Variants in CUBN observed in about 807,000 individuals in gnomAD.
The protein encoded by CUBN is cubilin, also known as 460 kDa receptor.
In CUBN, 282 loss-of-function variants were observed where a neutral mutation model predicts 405.3. The observed-to-expected ratio is 0.70, with a 90% CI of 0.63 to 0.77. The LOEUF is 0.77. Ranked by LOEUF, CUBN falls within the 30% of genes least tolerant of loss-of-function variation. The probability of loss-of-function intolerance (pLI) is 0.00; values close to 1 mark genes in which losing one functional copy is unlikely to be tolerated. For missense variants in CUBN, 4,514 were observed against 4,475.2 expected (o/e 1.01, Z -0.25); for synonymous variants, 1,684 against 1,617.0 (o/e 1.04, Z -0.99).
intron 35 of CUBN, 150 bp from the exon 36 acceptor site, chr10:16,947,517 A>C: frequency 1.1e-6 from 1 of 915,476 alleles, no homozygotes; most frequent in Non-Finnish European, 1.7e-6. Flanking sequence ...GTCATATAAA[A>C]TAAGGGAACA....
intron 27 of CUBN, among the ~76,000 whole-genome samples, chr10:17,032,595 G>A (rs934307196): frequency 6.6e-6 from 1 of 152,130 alleles, no homozygotes; most frequent in African/African-American, 2.4e-5. Context: ...AGCACATGAT[G>A]GGCATTCCAT....
intron 28 of CUBN, among the ~76,000 whole-genome samples, chr10:17,013,803 T>A (rs1202674754): frequency 6.6e-6 from 1 of 152,210 alleles, no homozygotes; most frequent in African/African-American, 2.4e-5. Context: ...TTCAGTATGG[T>A]TACATCACTA....
At chr10:16,935,241 A>T (rs979107296) in intron 39 of CUBN, among the ~76,000 whole-genome samples, 1 of 152,156 alleles carries the variant, frequency 6.6e-6, no homozygotes. Context: ...CACTGGCAGC[A>T]TGTAGGCTCA....
chr10:17,058,237 T>C (rs1378088741), intron 22 of CUBN, among the ~76,000 whole-genome samples: 2 of 152,008 alleles, frequency 1.3e-5, no homozygotes, highest in Non-Finnish European at 2.9e-5. Context: ...TTTGCTGACA[T>C]AGAGGTTGTT....
chr10:17,024,499 T>G (rs1236439190), intron 27 of CUBN, among the ~76,000 whole-genome samples: 1 of 152,184 alleles, frequency 6.6e-6, no homozygotes, highest in African/African-American at 2.4e-5. Context: ...TTAACTTTTT[T>G]TCTTAACTAT....
chr10:16,970,215 G>T (rs889082349), intron 31 of CUBN, among the ~76,000 whole-genome samples: 1 of 152,232 alleles, frequency 6.6e-6, no homozygotes, highest in African/African-American at 2.4e-5. Flanking sequence ...TTTCATATTT[G>T]AATTCTTAAC....
intron 31 of CUBN, among the ~76,000 whole-genome samples, chr10:16,970,387 C>T (rs1843517619): frequency 1.3e-5 from 2 of 152,144 alleles, no homozygotes; most frequent in South Asian, 2.1e-4. Flanking sequence ...CCAGCCTGGC[C>T]AACATGGTGA....
chr10:17,101,378 T>C lies in CUBN; in HGVS notation c.1531-1139A>G, dbSNP rs190330482. The stretch of plus-strand genomic sequence containing the variant: ...AAAGAATGTTTTCAATGCCAGGAAA[T>C]AGAATTCATGAAAACTAAATGGAAG... On this transcript the variant is annotated intron_variant, in intron 13 of 66. Coordinates refer to ENST00000377833, the MANE Select transcript of CUBN (RefSeq NM_001081.4). Among the ~76,000 whole-genome samples the C allele has an allele frequency of 9.2e-5, 14 of 152,042 alleles. 1 individual carries two copies. Among genetic ancestry groups the C allele is most frequent in the Middle Eastern group, 3.4e-3 (1 of 292 alleles).
Position 16,907,511 on chromosome 10 carries a change from C to T in CUBN, c.7702G>A (p.Ala2568Thr). The stretch of plus-strand genomic sequence containing the variant: ...CATTTACAACATCCTACATTACCTG[C>T]ATCTTCACTGGAGGTATAGGAAGCA... ...FTASYTSSED[A>T]VCGGSLPNTP... Residue 2568 changes from alanine (A) to threonine (T), a missense_variant, in exon 49 of 67, where the codon GCA becomes ACA. By Grantham distance (58) the Ala-to-Thr change is moderately conservative. This residue lies in a region of CUBN where 1,613 missense variants were observed against 1,542.8 expected (regional missense o/e 1.05). Coordinates refer to ENST00000377833, the MANE Select transcript of CUBN (RefSeq NM_001081.4). 6.2e-7 allele frequency: 1 copy of T among 1,614,128 alleles called. No individual in the cohort carries two copies.
intron 4 of CUBN, among the ~76,000 whole-genome samples, chr10:17,125,206 T>C (rs1837148144): frequency 6.6e-6 from 1 of 152,100 alleles, no homozygotes; most frequent in African/African-American, 2.4e-5. Flanking sequence ...TGCACACACA[T>C]ACATATATAT....
chr10:17,003,153 T>C (rs745822048), intron 28 of CUBN, among the ~76,000 whole-genome samples: 9 of 152,210 alleles, frequency 5.9e-5, no homozygotes, highest in Admixed American at 2.0e-4. Flanking sequence ...AGCTTCTCTT[T>C]TACTTAAATT....
At chr10:16,939,755 C>A (rs1842604637) in intron 37 of CUBN, among the ~76,000 whole-genome samples, 1 of 151,132 alleles carries the variant, frequency 6.6e-6, no homozygotes, top group Admixed American at 6.6e-5. Flanking sequence ...TTACCAGACT[C>A]TAACACAACG....
chr10:17,113,640 G>C (rs1219593911), intron 8 of CUBN, among the ~76,000 whole-genome samples: 1 of 152,180 alleles, frequency 6.6e-6, no homozygotes, highest in African/African-American at 2.4e-5. Flanking sequence ...ACCCAGGCAA[G>C]AGCTACTAGA....
rs1239695630 is a variant in CUBN, at chr10:16,836,279, A to G, written c.10136T>C (p.Val3379Ala). 5.0e-6 allele frequency: 8 copies of G among 1,613,858 alleles called. No individual in the cohort carries two copies. The African/African-American group carries it at 8.0e-5, about 16-fold the overall frequency. Residue 3379 changes from valine to alanine, a missense_variant, in exon 63 of 67, where the codon GTT becomes GCT. By Grantham distance (64) the Val-to-Ala change is moderately conservative. This residue lies in a region of CUBN where 1,186 missense variants were observed against 1,186.9 expected (regional missense o/e 1.00). Transcript: ENST00000377833. The stretch of plus-strand genomic sequence containing the variant: ...ACTCATTCTAGAGTTTCTGTTTACA[A>G]CTCCAGATTTGAAAATGACCATTGC... ...STAMVIFKSG[V>A]VNRNSRMSFT...
At chr10:16,973,387 C>G (rs1322476395) in intron 31 of CUBN, among the ~76,000 whole-genome samples, 1 of 152,154 alleles carries the variant, frequency 6.6e-6, no homozygotes, top group Admixed American at 6.5e-5. Context: ...TATGCTAAAT[C>G]CTAGGTGCTA....
intron 60 of CUBN, 32 bp downstream of exon 60, chr10:16,851,203 T>C (rs753180275): frequency 4.0e-5 from 60 of 1,514,938 alleles, no homozygotes; most frequent in Admixed American, 8.3e-5. Flanking sequence ...CTGGGATGAA[T>C]AGACTCTGTT....
At chr10:16,899,339 C>T (rs1841289057) in intron 53 of CUBN, among the ~76,000 whole-genome samples, 156 bp from the exon 54 acceptor site, 1 of 152,176 alleles carries the variant, frequency 6.6e-6, no homozygotes, top group African/African-American at 2.4e-5. Flanking sequence ...AAGCTCTCTC[C>T]ATAAATGGAA....
At chr10:16,985,431 GAC>G (rs1037531262) in intron 29 of CUBN, among the ~76,000 whole-genome samples, 6 of 152,162 alleles carry the variant, frequency 3.9e-5, no homozygotes, top group African/African-American at 1.4e-4. Context: ...CCATTCCAAT[GAC>G]AGCTACCTCC....
At chr10:17,112,089 T>C (rs1214378977) in intron 8 of CUBN, among the ~76,000 whole-genome samples, 1 of 152,240 alleles carries the variant, frequency 6.6e-6, no homozygotes, top group Non-Finnish European at 1.5e-5. Flanking sequence ...TTAAGAATTT[T>C]ACTTTAGTGG....
Sources: allele counts gnomAD v4.1 joint callset (sites outside exome capture counted in the v4.1 genomes callset), GRCh38; gene constraint gnomAD v4.1.1; regional missense constraint gnomAD v4.1.1; transcripts MANE v1.5; gene names NCBI Gene and HGNC (gene_info 2026-07-23, HGNC 2026-07-21).